Variants in RYR3 observed in about 807,000 individuals in gnomAD.
RYR3 encodes ryanodine receptor 3.
In RYR3, 207 loss-of-function variants were observed where a neutral mutation model predicts 584.3. That is an observed-to-expected ratio of 0.35 (90% CI 0.32 to 0.40). The LOEUF (loss-of-function observed/expected upper bound fraction) is 0.40, where lower values mean the gene tolerates loss of function less well. RYR3 is among the 10% of genes least tolerant of loss of function. The pLI is 1.00. For synonymous variants in RYR3, 2,416 were observed against 2,248.5 expected (o/e 1.07, Z -2.11); for missense variants, 5,616 against 6,089.2 (o/e 0.92, Z 2.59).
At chr15:33,796,485 C>G (rs183685033) in intron 67 of RYR3, among the ~76,000 whole-genome samples, 125 of 152,234 alleles carry the variant, frequency 8.2e-4, no homozygotes, top group Admixed American at 7.5e-3. Context: ...TCTGCCACCC[C>G]CCAGGATTCT....
At chr15:33,480,850 C>G (rs1454081549) in intron 2 of RYR3, among the ~76,000 whole-genome samples, 2 of 152,100 alleles carry the variant, frequency 1.3e-5, no homozygotes, top group East Asian at 3.8e-4. Flanking sequence ...TTATGGATGT[C>G]AAGATGGTCA....
chr15:33,669,857 G>GGGGGGTGGT (rs1555401713), intron 37 of RYR3, among the ~76,000 whole-genome samples: 1 of 60,220 alleles, frequency 1.7e-5, no homozygotes, highest in Non-Finnish European at 3.1e-5. Flanking sequence ...GGGGGGGGGG[G>GGGGGGTGGT]GTGTGGGTGT....
intron 1 of RYR3, among the ~76,000 whole-genome samples, chr15:33,337,905 G>T (rs184514429): frequency 2.7e-4 from 39 of 145,396 alleles, no homozygotes; most frequent in African/African-American, 9.4e-4. Context: ...AGAGGAAAAT[G>T]ATGAGACAAG....
chr15:33,658,229 T>C (rs2062937223), intron 32 of RYR3, among the ~76,000 whole-genome samples: 1 of 152,228 alleles, frequency 6.6e-6, no homozygotes, highest in Non-Finnish European at 1.5e-5. Flanking sequence ...CATGCTTACG[T>C]GCTTGTTGGC....
At position 33,780,172 on chromosome 15, in the gene RYR3, T is replaced by TG. The variant is rs763704174; in HGVS notation, c.9138-33dup. On this transcript the variant is annotated intron_variant, in intron 64 of 103. Transcript: ENST00000634891. ...TCTGCCAATGCATGGGGCCAGCATG[T>TG]GGGGGGCCACACTTCTCAATGGACT... 45 of 1,605,380 alleles carry TG rather than the reference T, an allele frequency of 2.8e-5. 1 individual carries two copies. In the Admixed American group the frequency reaches 4.7e-4, roughly 17 times the overall value.
At chr15:33,853,224 G>C in intron 95 of RYR3, 137 bp downstream of exon 95, 3 of 920,976 alleles carry the variant, frequency 3.3e-6, no homozygotes, top group Non-Finnish European at 4.8e-6. Flanking sequence ...AGTCACAGAA[G>C]GGGTTGGATA....
intron 98 of RYR3, 176 bp downstream of exon 98, chr15:33,855,088 A>C: frequency 2.0e-6 from 1 of 496,280 alleles, no homozygotes; most frequent in Admixed American, 4.3e-5. Flanking sequence ...GCCAATTAAA[A>C]ATGTAACTGC....
At chr15:33,807,633 C>T in intron 70 of RYR3, 64 bp downstream of exon 70, 1 of 1,473,886 alleles carries the variant, frequency 6.8e-7, no homozygotes, top group Non-Finnish European at 9.3e-7. Context: ...GCTCTGGCCC[C>T]CTCTGCACTG....
chr15:33,824,165 A>T (rs570604526), intron 81 of RYR3, among the ~76,000 whole-genome samples: 2 of 152,300 alleles, frequency 1.3e-5, no homozygotes, highest in African/African-American at 4.8e-5. Context: ...TATTGCTCAT[A>T]AAGTTATCCA....
intron 38 of RYR3, among the ~76,000 whole-genome samples, chr15:33,692,409 C>T (rs1001947932): frequency 6.6e-6 from 1 of 152,086 alleles, no homozygotes; most frequent in African/African-American, 2.4e-5. Context: ...TTTCATGGCT[C>T]CTGAAAATGT....
chr15:33,460,940 C>CTGTTTTTTTTTTTT (rs2047977553), intron 1 of RYR3, among the ~76,000 whole-genome samples: 1 of 79,214 alleles, frequency 1.3e-5, no homozygotes, highest in Non-Finnish European at 2.2e-5. Flanking sequence ...TAATATCCAC[C>CTGTTTTTTTTTTTT]TTTTTTTTTT....
intron 81 of RYR3, among the ~76,000 whole-genome samples, chr15:33,824,511 G>A (rs1377778670): frequency 1.3e-5 from 2 of 152,122 alleles, no homozygotes; most frequent in Non-Finnish European, 2.9e-5. Context: ...CTCCCCTGAC[G>A]GCTAAACCAA....
intron 1 of RYR3, among the ~76,000 whole-genome samples, chr15:33,460,605 G>C (rs2047941131): frequency 6.6e-6 from 1 of 152,192 alleles, no homozygotes; most frequent in Non-Finnish European, 1.5e-5. Flanking sequence ...GCACTGCATG[G>C]TGTGTAATGG....
chr15:33,857,663 C>A, intron 98 of RYR3, 117 bp from the exon 99 acceptor site: 1 of 1,304,060 alleles, frequency 7.7e-7, no homozygotes, highest in Non-Finnish European at 1.1e-6. Context: ...ACCCCTTCCC[C>A]ATTTCCTCTC....
In RYR3 at chr15:33,699,699, T is replaced by C; in HGVS notation, c.6250-5T>C. On this transcript the variant is annotated splice_region_variant and splice_polypyrimidine_tract_variant and intron_variant, in intron 40 of 103. Transcript: ENST00000634891. ...TTGTCTGACACTTTCTACTTCTCCC[T>C]ACAGATTGCATTTCCAAAGATGGTT... The C allele has an allele frequency of 6.2e-7, 1 of 1,613,314 alleles. No homozygotes were observed. Among genetic ancestry groups the C allele is most frequent in the South Asian group, 1.1e-5 (1 of 90,930 alleles).
At chr15:33,438,391 A>C (rs2045923116) in intron 1 of RYR3, among the ~76,000 whole-genome samples, 5 of 152,068 alleles carry the variant, frequency 3.3e-5, no homozygotes, top group Admixed American at 2.6e-4. Flanking sequence ...AAAATTCCAC[A>C]TATAAGTGAG....
chr15:33,560,354 C>T (rs1026507800), intron 10 of RYR3, among the ~76,000 whole-genome samples: 2 of 152,056 alleles, frequency 1.3e-5, no homozygotes, highest in Non-Finnish European at 2.9e-5. Flanking sequence ...ATTTGGAAGC[C>T]GATGCTGTTT....
chr15:33,712,703 A>AG (rs1555421953), intron 43 of RYR3, among the ~76,000 whole-genome samples: 1 of 152,224 alleles, frequency 6.6e-6, no homozygotes, highest in Non-Finnish European at 1.5e-5. Flanking sequence ...CTGAATACTT[A>AG]GGAGGAGGAA....
At chr15:33,809,596 T>C (rs1157550878) in intron 70 of RYR3, among the ~76,000 whole-genome samples, 1 of 148,364 alleles carries the variant, frequency 6.7e-6, no homozygotes, top group African/African-American at 2.5e-5. Context: ...GCCCAGTGCA[T>C]TGGATTCCTC....
Sources: gnomAD v4.1 joint callset for allele counts (sites outside exome capture counted in the v4.1 genomes callset) on GRCh38, gnomAD v4.1.1 for gene constraint, MANE v1.5 for transcripts, NCBI Gene and HGNC (gene_info 2026-07-23, HGNC 2026-07-21) for gene names.